The following IGFL2 variants were observed in gnomAD, a reference collection of about 807,000 sequenced individuals.
IGFL2 encodes insulin growth factor-like family member 2.
IGFL2 carries 7 observed loss-of-function variants against 13.9 expected under a neutral mutation model. The observed-to-expected ratio is 0.51, with a 90% CI of 0.29 to 0.95. The LOEUF (loss-of-function observed/expected upper bound fraction) is 0.95. Among genes scored for constraint, IGFL2 ranks in the 40% least tolerant of loss-of-function variants. The pLI is 0.08. For synonymous variants in IGFL2, 55 were observed against 55.8 expected (o/e 0.99, Z 0.07); for missense variants, 138 against 147.8 (o/e 0.93, Z 0.34).
the IGFL2 span, among the ~76,000 whole-genome samples, chr19:46,087,903 T>G: frequency 7.2e-5 from 11 of 152,290 alleles, no homozygotes; most frequent in African/African-American, 2.4e-4. Flanking sequence ...CAATGGTGCC[T>G]TGATGCAGCT....
At chr19:46,138,836 T>C (rs972525138), upstream of IGFL2, among the ~76,000 whole-genome samples, 1 of 152,056 alleles carries the variant, frequency 6.6e-6, no homozygotes, top group African/African-American at 2.4e-5. Context: ...TCCTATTCTG[T>C]CCAGGTCTGA....
chr19:46,091,979 T>G, the IGFL2 span, among the ~76,000 whole-genome samples: 1 of 152,254 alleles, frequency 6.6e-6, no homozygotes, highest in Non-Finnish European at 1.5e-5. Flanking sequence ...TATACCATAA[T>G]CAAAAGTTTG....
chr19:46,179,926 A>G, the IGFL2 span, among the ~76,000 whole-genome samples: 2 of 152,078 alleles, frequency 1.3e-5, no homozygotes, highest in African/African-American at 2.4e-5. Context: ...AAAAAAAGCA[A>G]AAACAAAAAA....
At chr19:46,124,769 C>T in the IGFL2 span, 27 of 829,374 alleles carry the variant, frequency 3.3e-5, no homozygotes, top group South Asian at 3.7e-4. Flanking sequence ...GGCTGCTGAT[C>T]ATGCCACCTG....
chr19:46,092,035 G>A, the IGFL2 span, among the ~76,000 whole-genome samples: 5 of 152,222 alleles, frequency 3.3e-5, no homozygotes, highest in African/African-American at 1.2e-4. Flanking sequence ...ATCACATTTG[G>A]TAAACATTTT....
At chr19:46,153,363 G>A (rs188267047) in intron 1 of IGFL2, among the ~76,000 whole-genome samples, 1 of 152,200 alleles carries the variant, frequency 6.6e-6, no homozygotes, top group African/African-American at 2.4e-5. Context: ...TTTGATAAAA[G>A]CCATTTTAAC....
At chr19:46,117,652 T>C in the IGFL2 span, among the ~76,000 whole-genome samples, 8 of 152,190 alleles carry the variant, frequency 5.3e-5, no homozygotes, top group Non-Finnish European at 1.0e-4. Context: ...CTAATTTTTT[T>C]GTATTTTTAG....
In IGFL2 at chr19:46,150,612, T is replaced by G. The variant is rs978255677; in HGVS notation, c.19+2315T>G. ...CATATCTACCACCTAATATACTTAT[T>G]ACTTTTTGTCACTAGAACATTTAAA... On this transcript the variant is annotated intron_variant, in intron 1 of 3. Coordinates refer to ENST00000377693, the MANE Select transcript of IGFL2 (RefSeq NM_001135113.2). Among the ~76,000 whole-genome samples, 3 of 152,226 alleles carry G rather than the reference T, an allele frequency of 2.0e-5. No individual in the cohort carries two copies. In the East Asian group the frequency reaches 5.8e-4, roughly 29 times the overall value.
the IGFL2 span, among the ~76,000 whole-genome samples, chr19:46,179,112 G>A: frequency 1.3e-5 from 2 of 151,866 alleles, no homozygotes; most frequent in Non-Finnish European, 2.9e-5. Context: ...CTGGTTGTGG[G>A]GTGGGGGGTC....
the IGFL2 span, among the ~76,000 whole-genome samples, chr19:46,126,086 C>G: frequency 1.3e-5 from 2 of 151,266 alleles, no homozygotes; most frequent in African/African-American, 4.8e-5. Context: ...TTGAAAGATA[C>G]ACTGTTGTTT....
At chr19:46,176,829 C>A in the IGFL2 span, among the ~76,000 whole-genome samples, 1 of 152,192 alleles carries the variant, frequency 6.6e-6, no homozygotes, top group Non-Finnish European at 1.5e-5. Context: ...TGCGCCCCAT[C>A]CTCTCTGGTC....
upstream of IGFL2, among the ~76,000 whole-genome samples, chr19:46,138,121 G>T (rs148488224): frequency 3.3e-3 from 503 of 152,320 alleles, no homozygotes; most frequent in Non-Finnish European, 5.5e-3. Flanking sequence ...CAGAGTTCTT[G>T]TGCTGGTTTT....
the IGFL2 span, chr19:46,124,169 A>G: frequency 3.7e-6 from 6 of 1,610,294 alleles, no homozygotes; most frequent in Non-Finnish European, 5.1e-6. Context: ...GGGGGCAGAC[A>G]TTGATGGTGT....
At chr19:46,144,609 A>G (rs940140486), upstream of IGFL2, among the ~76,000 whole-genome samples, 1 of 152,220 alleles carries the variant, frequency 6.6e-6, no homozygotes, top group Non-Finnish European at 1.5e-5. Flanking sequence ...TAAAATATGT[A>G]TTCAAAATTA....
At chr19:46,113,154 A>G in the IGFL2 span, 1 of 159,760 alleles carries the variant, frequency 6.3e-6, no homozygotes, top group Admixed American at 6.5e-5. Context: ...TGAGACCCAG[A>G]CTGCTGGTCA....
At chr19:46,194,830 T>TTACA in the IGFL2 span, among the ~76,000 whole-genome samples, 86 of 46,782 alleles carry the variant, frequency 1.8e-3, 3 homozygotes, top group African/African-American at 8.4e-3. Context: ...CTTCCTCATT[T>TTACA]TATATATATA....
At chr19:46,159,857 A>G (rs548154517) in intron 1 of IGFL2, 1 of 156,486 alleles carries the variant, frequency 6.4e-6, no homozygotes, top group Non-Finnish European at 1.4e-5. Flanking sequence ...AGTCTCACCT[A>G]CTCAGGAAGC....
At chr19:46,126,165 C>T in the IGFL2 span, among the ~76,000 whole-genome samples, 10 of 151,356 alleles carry the variant, frequency 6.6e-5, no homozygotes, top group Admixed American at 4.6e-4. Context: ...CATGTTGAGA[C>T]GTAGACTTTT....
In IGFL2 at chr19:46,161,216, A is replaced by G; in HGVS notation, c.*128A>G. 2.9e-6 allele frequency: 2 copies of G among 678,074 alleles called. No homozygotes were observed. Among genetic ancestry groups the G allele is most frequent in the Non-Finnish European group, 5.1e-6 (2 of 391,836 alleles). 42.0% of individuals were successfully genotyped at this position (678,074 alleles called of 1,614,324 possible). A position where few individuals can be genotyped will look rare whatever the true frequency, so the allele number is the denominator to read the frequency against. The stretch of plus-strand genomic sequence containing the variant: ...GCAGCTCCAAGCCATTGTATGGCCC[A>G]TGTGGGAGACTGATGGGACATGGAG... On this transcript the variant is annotated 3_prime_UTR_variant, in exon 4 of 4. Coordinates refer to ENST00000377693, the MANE Select transcript of IGFL2 (RefSeq NM_001135113.2).
Sources: gnomAD v4.1 joint callset for allele counts (sites outside exome capture counted in the v4.1 genomes callset) on GRCh38, gnomAD v4.1.1 for gene constraint, MANE v1.5 for transcripts, NCBI Gene and HGNC (gene_info 2026-07-23, HGNC 2026-07-21) for gene names.